The following PTPRM variants were observed in gnomAD, a reference collection of about 807,000 sequenced individuals.
PTPRM encodes the protein protein tyrosine phosphatase receptor type M, also known as receptor-type tyrosine-protein phosphatase mu.
PTPRM carries 47 observed loss-of-function variants against 186.7 expected under a neutral mutation model. The observed-to-expected ratio is 0.25, with a 90% CI of 0.20 to 0.32. The LOEUF is 0.32. Ranked by LOEUF, PTPRM falls within the 10% of genes least tolerant of loss-of-function variation. PTPRM has a pLI of 1.00. For missense variants in PTPRM, 1,494 were observed against 1,865.0 expected, an observed-to-expected ratio of 0.80 and a Z score of 3.66; for synonymous variants, 668 against 674.9, an observed-to-expected ratio of 0.99 and a Z score of 0.16.
At chr18:7,996,856 A>T (rs976308763) in intron 7 of PTPRM, among the ~76,000 whole-genome samples, 1 of 152,034 alleles carries the variant, frequency 6.6e-6, no homozygotes, top group Non-Finnish European at 1.5e-5. Context: ...TTCTACAGTG[A>T]AACCTCTAAA....
intron 4 of PTPRM, among the ~76,000 whole-genome samples, chr18:7,909,971 T>C (rs1017463579): frequency 6.6e-6 from 1 of 152,228 alleles, no homozygotes; most frequent in Non-Finnish European, 1.5e-5. Context: ...TCAATAATCC[T>C]GGTAAGAAAA....
chr18:7,678,256 G>A (rs1039108086), intron 1 of PTPRM, among the ~76,000 whole-genome samples: 4 of 152,168 alleles, frequency 2.6e-5, no homozygotes, highest in Non-Finnish European at 4.4e-5. Flanking sequence ...CAGGGGTAGG[G>A]TGGCTGTATG....
chr18:8,172,384 C>T (rs1216472921), intron 14 of PTPRM, among the ~76,000 whole-genome samples: 3 of 150,096 alleles, frequency 2.0e-5, no homozygotes, highest in African/African-American at 7.4e-5. Context: ...GTAGCTGTGT[C>T]TTCAATGTAC....
intron 7 of PTPRM, among the ~76,000 whole-genome samples, chr18:8,069,209 A>T (rs2089308364): frequency 6.6e-6 from 1 of 151,964 alleles, no homozygotes; most frequent in South Asian, 2.1e-4. Flanking sequence ...TTTCCTAATG[A>T]CAAGTTTGGA....
intron 14 of PTPRM, among the ~76,000 whole-genome samples, chr18:8,168,078 T>G (rs1344880866): frequency 6.6e-6 from 1 of 152,230 alleles, no homozygotes; most frequent in Non-Finnish European, 1.5e-5. Context: ...CCCTGGACAA[T>G]GCTGAGTATG....
chr18:8,128,637 A>G (rs1273389588), intron 13 of PTPRM, among the ~76,000 whole-genome samples: 1 of 152,158 alleles, frequency 6.6e-6, no homozygotes, highest in Non-Finnish European at 1.5e-5. Flanking sequence ...GTATAGTTAC[A>G]AGAAAATGGT....
Position 7,758,072 on chromosome 18 carries a change from G to A in PTPRM, c.74-16077G>A, listed in dbSNP as rs192481283. Among the ~76,000 whole-genome samples, 1,073 of 152,252 alleles carry A rather than the reference G, an allele frequency of 7.0e-3. 9 individuals carry two copies. The highest frequency in any genetic ancestry group is 0.017 in the Middle Eastern group (5 of 294). ...CCTCACTCCCAACAATTCTGATTCC[G>A]TAAATCTAGAACGGGACTCAATATT... On this transcript the variant is annotated intron_variant, in intron 1 of 32. Coordinates refer to ENST00000580170, the MANE Select transcript of PTPRM (RefSeq NM_001105244.2).
chr18:7,754,155 G>T (rs1452421541), intron 1 of PTPRM, among the ~76,000 whole-genome samples: 1 of 152,144 alleles, frequency 6.6e-6, no homozygotes, highest in African/African-American at 2.4e-5. Flanking sequence ...AGCCCATGTT[G>T]TATGGTTGTG....
At chr18:8,299,838 C>G (rs1363879151) in intron 20 of PTPRM, among the ~76,000 whole-genome samples, 2 of 152,176 alleles carry the variant, frequency 1.3e-5, no homozygotes, top group Non-Finnish European at 2.9e-5. Flanking sequence ...GAAAGCCAGA[C>G]AGTGGGCTAC....
chr18:7,951,085 C>T (rs1369499954), intron 6 of PTPRM, among the ~76,000 whole-genome samples: 1 of 152,164 alleles, frequency 6.6e-6, no homozygotes, highest in Non-Finnish European at 1.5e-5. Context: ...ACAGCAGATT[C>T]TTAACATGTT....
At chr18:8,026,997 A>G (rs2148017827) in intron 7 of PTPRM, among the ~76,000 whole-genome samples, 1 of 152,356 alleles carries the variant, frequency 6.6e-6, no homozygotes, top group South Asian at 2.1e-4. Flanking sequence ...TCTGTCAAAG[A>G]ATCTTTTTAA....
At chr18:7,747,876 T>C (rs2041033579) in intron 1 of PTPRM, among the ~76,000 whole-genome samples, 1 of 152,126 alleles carries the variant, frequency 6.6e-6, no homozygotes, top group African/African-American at 2.4e-5. Flanking sequence ...ACCCATAACA[T>C]TTGGCATTTC....
intron 1 of PTPRM, among the ~76,000 whole-genome samples, chr18:7,587,886 GTC>G (rs2037020516): frequency 6.6e-6 from 1 of 152,040 alleles, no homozygotes; most frequent in African/African-American, 2.4e-5. Context: ...ATCAGATAAA[GTC>G]TAACATAGTT....
At chr18:7,983,408 G>A (rs1350279698) in intron 7 of PTPRM, among the ~76,000 whole-genome samples, 1 of 152,188 alleles carries the variant, frequency 6.6e-6, no homozygotes, top group Admixed American at 6.5e-5. Flanking sequence ...GTGCCAAAAA[G>A]TTTGGGGCCT....
intron 1 of PTPRM, among the ~76,000 whole-genome samples, chr18:7,738,585 G>A (rs1006913886): frequency 2.0e-5 from 3 of 149,810 alleles, no homozygotes; most frequent in South Asian, 2.2e-4. Context: ...ATAGGCGCCC[G>A]CCACCACACC....
rs766195551 is a variant in PTPRM at position 7,949,163 on chromosome 18, C to T, written c.664-18C>T. 2 of 1,573,884 alleles carry T rather than the reference C, an allele frequency of 1.3e-6. No individual in the cohort carries two copies. The highest frequency in any genetic ancestry group is 2.3e-5 in the South Asian group (2 of 88,278). On this transcript the variant is annotated intron_variant, in intron 5 of 32. Transcript: ENST00000580170. ...CTTATATTGCTTCTTTTTGTCCTCC[C>T]CACCCCACTTGATACAGGGCATTGA...
chr18:8,044,412 A>G (rs1209834836), intron 7 of PTPRM, among the ~76,000 whole-genome samples: 2 of 152,152 alleles, frequency 1.3e-5, no homozygotes, highest in African/African-American at 4.8e-5. Context: ...CATCTAGTGA[A>G]TGGAGGATGT....
At position 8,167,865 on chromosome 18, in the gene PTPRM, CTGAGA is replaced by C. The variant is rs778212228; in HGVS notation, c.2300+24088_2300+24092del. On this transcript the variant is annotated intron_variant, in intron 14 of 32. Coordinates refer to ENST00000580170, the MANE Select transcript of PTPRM (RefSeq NM_001105244.2). ...TGATGATGCAGTGTGGCACCTGATG[CTGAGA>C]TAAGTATTATCTTCCAGCGATGTCG... Among the ~76,000 whole-genome samples the C allele has an allele frequency of 2.6e-5, 4 of 152,202 alleles. No homozygotes were observed. In the East Asian group the frequency reaches 5.8e-4, roughly 22 times the overall value.
intron 4 of PTPRM, among the ~76,000 whole-genome samples, chr18:7,918,346 T>A (rs748277856): frequency 6.6e-6 from 1 of 152,206 alleles, no homozygotes; most frequent in Non-Finnish European, 1.5e-5. Context: ...CTAATTTATA[T>A]TCCCACCAAC....
Sources: allele counts gnomAD v4.1 joint callset (sites outside exome capture counted in the v4.1 genomes callset), GRCh38; gene constraint gnomAD v4.1.1; transcripts MANE v1.5; gene names NCBI Gene and HGNC (gene_info 2026-07-23, HGNC 2026-07-21).